The following PTPRD variants were observed in gnomAD, a reference collection of about 807,000 sequenced individuals.
The protein encoded by PTPRD is receptor-type tyrosine-protein phosphatase delta.
A neutral mutation model predicts 214.5 loss-of-function variants in PTPRD; 34 were observed. That is an observed-to-expected ratio of 0.16 (90% CI 0.12 to 0.21). The LOEUF is 0.21. Among genes scored for constraint, PTPRD ranks in the 10% least tolerant of loss-of-function variants. The pLI, the probability that PTPRD is intolerant of heterozygous loss-of-function variation, is 1.00. For missense variants in PTPRD, 2,545 were observed against 2,398.7 expected, an observed-to-expected ratio of 1.06 and a Z score of -1.27; for synonymous variants, 1,128 against 845.7, an observed-to-expected ratio of 1.33 and a Z score of -5.79.
chr9:10,591,501 C>A (rs1421962978), intron 2 of PTPRD, among the ~76,000 whole-genome samples: 1 of 152,006 alleles, frequency 6.6e-6, no homozygotes, highest in Non-Finnish European at 1.5e-5. Context: ...TCATCTAATG[C>A]TGCAGAATAT....
At chr9:10,575,342 T>TA (rs971986055) in intron 2 of PTPRD, among the ~76,000 whole-genome samples, 1 of 151,956 alleles carries the variant, frequency 6.6e-6, no homozygotes, top group Non-Finnish European at 1.5e-5. Context: ...ACTACAAAAT[T>TA]AAAAAAGAAC....
intron 3 of PTPRD, among the ~76,000 whole-genome samples, chr9:10,160,041 A>G (rs1419657803): frequency 1.3e-5 from 2 of 152,046 alleles, no homozygotes; most frequent in Admixed American, 1.3e-4. Context: ...AAAGTCATAG[A>G]GTGGCTGAAT....
Position 8,521,508 on chromosome 9 carries a change from T to C in PTPRD, c.730A>G (p.Asn244Asp). 3 of 1,613,922 alleles carry C rather than the reference T, an allele frequency of 1.9e-6. No homozygotes were observed. The highest frequency in any genetic ancestry group is 2.7e-5 in the African/African-American group (2 of 75,016). The change falls in exon 20 of 46, where the codon AAT becomes GAT. Residue 244 changes from asparagine to aspartate, a missense_variant. Coordinates refer to ENST00000381196, the MANE Select transcript of PTPRD (RefSeq NM_002839.4). The stretch of plus-strand genomic sequence containing the variant: ...CTTCCGCCTGGCATGATTTCATGAT[T>C]AGTGGGTGGGATAGAGAATCTTGGT... ...VPPRFSIPPT[N>D]HEIMPGGSVN...
chr9:9,878,989 T>G (rs1389413330), intron 5 of PTPRD, among the ~76,000 whole-genome samples: 1 of 152,152 alleles, frequency 6.6e-6, no homozygotes, highest in African/African-American at 2.4e-5. Context: ...TGGGAGGAGA[T>G]TTGTTACTCT....
At chr9:9,119,391 G>C (rs2099815468) in intron 10 of PTPRD, among the ~76,000 whole-genome samples, 1 of 152,166 alleles carries the variant, frequency 6.6e-6, no homozygotes, top group Admixed American at 6.5e-5. Flanking sequence ...TCTTTGGGTT[G>C]TGATATATTT....
At chr9:8,751,661 T>G (rs1409511689) in intron 11 of PTPRD, among the ~76,000 whole-genome samples, 2 of 152,198 alleles carry the variant, frequency 1.3e-5, no homozygotes, top group Non-Finnish European at 2.9e-5. Context: ...GTCTTAGTTA[T>G]CTTTTACATT....
chr9:10,035,558 T>C (rs2097165300), intron 3 of PTPRD, among the ~76,000 whole-genome samples: 1 of 152,116 alleles, frequency 6.6e-6, no homozygotes, highest in Non-Finnish European at 1.5e-5. Flanking sequence ...GGGTTTTTTA[T>C]AGTTTTAGGT....
intron 3 of PTPRD, among the ~76,000 whole-genome samples, chr9:10,196,863 T>C (rs1220164640): frequency 6.6e-6 from 1 of 152,040 alleles, no homozygotes; most frequent in Non-Finnish European, 1.5e-5. Flanking sequence ...CCACTATGAA[T>C]AGGACTAGTG....
At chr9:9,783,046 T>C (rs2098870313) in intron 5 of PTPRD, among the ~76,000 whole-genome samples, 1 of 152,200 alleles carries the variant, frequency 6.6e-6, no homozygotes, top group African/African-American at 2.4e-5. Flanking sequence ...TATATGTATG[T>C]TTAATTATCT....
chr9:8,513,875 G>A (rs565517962), intron 21 of PTPRD, among the ~76,000 whole-genome samples: 1 of 152,034 alleles, frequency 6.6e-6, no homozygotes, highest in African/African-American at 2.4e-5. Flanking sequence ...TATTGAGCTT[G>A]GCAGGCAGTC....
intron 2 of PTPRD, among the ~76,000 whole-genome samples, chr9:10,524,620 T>C (rs1395968476): frequency 6.6e-6 from 1 of 152,090 alleles, no homozygotes; most frequent in Non-Finnish European, 1.5e-5. Flanking sequence ...AGGATATGTG[T>C]TGCCATTGAG....
chr9:8,961,230 G>C (rs919453367), intron 11 of PTPRD, among the ~76,000 whole-genome samples: 1 of 152,032 alleles, frequency 6.6e-6, no homozygotes, highest in African/African-American at 2.4e-5. Context: ...AGGTGGACAA[G>C]GAAAAGAAAG....
intron 4 of PTPRD, among the ~76,000 whole-genome samples, chr9:9,979,704 A>G (rs2095474757): frequency 6.6e-6 from 1 of 152,192 alleles, no homozygotes; most frequent in Non-Finnish European, 1.5e-5. Context: ...GTGAATAATT[A>G]AGTAAATTCT....
At chr9:10,094,588 C>A (rs533862861) in intron 3 of PTPRD, among the ~76,000 whole-genome samples, 1 of 144,506 alleles carries the variant, frequency 6.9e-6, no homozygotes, top group East Asian at 2.0e-4. Context: ...TTCAGAGAAA[C>A]CCGTTATCTT....
At position 8,486,067 on chromosome 9, in the gene PTPRD, A is replaced by C. The variant is rs995319192; in HGVS notation, c.2750T>G (p.Val917Gly). 6.2e-7 allele frequency: 1 copy of C among 1,614,022 alleles called. No homozygotes were observed. The highest frequency in any genetic ancestry group is 8.5e-7 in the Non-Finnish European group (1 of 1,180,020). The change falls in exon 28 of 46, where the codon GTA becomes GGA. Residue 917 changes from valine (V) to glycine (G), a missense_variant. Coordinates refer to ENST00000381196, the MANE Select transcript of PTPRD (RefSeq NM_002839.4). ...MVKEISIPEE[V>G]PTGFPQNLHS... The stretch of plus-strand genomic sequence containing the variant: ...AAGGTTTTGAGGGAATCCAGTTGGT[A>C]CTTCTTCTGGAATGGAAATCTCCTT...
intron 5 of PTPRD, among the ~76,000 whole-genome samples, chr9:9,932,185 G>A (rs1027396508): frequency 1.1e-4 from 16 of 150,670 alleles, no homozygotes; most frequent in South Asian, 2.1e-4. Flanking sequence ...CTCCTCCAAA[G>A]GAACGCAGTT....
chr9:10,531,983 A>G (rs1435578356), intron 2 of PTPRD, among the ~76,000 whole-genome samples: 2 of 152,208 alleles, frequency 1.3e-5, no homozygotes, highest in African/African-American at 4.8e-5. Flanking sequence ...ACTGTATTAC[A>G]TGCCATGTAA....
chr9:10,304,951 G>A (rs539133220), intron 3 of PTPRD, among the ~76,000 whole-genome samples: 1 of 152,072 alleles, frequency 6.6e-6, no homozygotes, highest in East Asian at 1.9e-4. Flanking sequence ...GCATTGCCGA[G>A]ACAATCCTAA....
intron 7 of PTPRD, among the ~76,000 whole-genome samples, chr9:9,641,770 T>A (rs565015849): frequency 2.7e-4 from 41 of 152,152 alleles, no homozygotes; most frequent in African/African-American, 9.6e-4. Flanking sequence ...TCCACAAACG[T>A]GTTTGCCAGC....
Sources: gnomAD v4.1 joint callset for allele counts (sites outside exome capture counted in the v4.1 genomes callset) on GRCh38, gnomAD v4.1.1 for gene constraint, MANE v1.5 for transcripts, NCBI Gene and HGNC (gene_info 2026-07-23, HGNC 2026-07-21) for gene names.